Variants in SUCO observed in about 807,000 individuals in gnomAD.
The protein encoded by SUCO is SUN domain containing ossification factor, also known as SUN domain-containing ossification factor.
SUCO carries 57 observed loss-of-function variants against 148.1 expected under a neutral mutation model. The observed-to-expected ratio is 0.38, with a 90% confidence interval of 0.31 to 0.48. The LOEUF is 0.48. Ranked by LOEUF, SUCO falls within the 20% of genes least tolerant of loss-of-function variation. The pLI is 0.96. For missense variants in SUCO, 1,331 were observed against 1,468.2 expected (o/e 0.91, Z 1.53); for synonymous variants, 470 against 502.7 (o/e 0.93, Z 0.87).
chr1:172,610,288 T>A lies in SUCO; in HGVS notation c.*29T>A. 1 of 1,540,478 alleles carries A rather than the reference T, an allele frequency of 6.5e-7. No individual in the cohort carries two copies. The highest frequency in any genetic ancestry group is 8.7e-7 in the Non-Finnish European group (1 of 1,148,640). Reference sequence around the variant, plus strand: ...TAATTGAACTTTTCATACAGAAGACTTTTTTGTTGTTGTTCTTTGAAGAAC... The same window carrying A: ...TAATTGAACTTTTCATACAGAAGACATTTTTGTTGTTGTTCTTTGAAGAAC... On this transcript the variant is annotated 3_prime_UTR_variant, in exon 24 of 24. Transcript: ENST00000263688.
At chr1:172,548,803 C>T (rs1299425900) in intron 1 of SUCO, among the ~76,000 whole-genome samples, 2 of 151,920 alleles carry the variant, frequency 1.3e-5, no homozygotes, top group African/African-American at 2.4e-5. Flanking sequence ...AAATGTTCCA[C>T]GTGTCCTTGA....
intron 17 of SUCO, chr1:172,588,421 A>G: frequency 1.0e-6 from 1 of 985,134 alleles, no homozygotes; most frequent in Non-Finnish European, 1.2e-6. Flanking sequence ...GATTCAGTGA[A>G]TATTTATGAG....
intron 22 of SUCO, among the ~76,000 whole-genome samples, chr1:172,603,982 A>G (rs1657694221): frequency 6.6e-6 from 1 of 152,002 alleles, no homozygotes; most frequent in Admixed American, 6.6e-5. Context: ...ATACACTGGA[A>G]ATGGGATTGG....
intron 17 of SUCO, chr1:172,588,472 TA>T: frequency 4.1e-6 from 4 of 985,154 alleles, no homozygotes; most frequent in Non-Finnish European, 4.8e-6. Context: ...AGTATTCACT[TA>T]GAAACAATTC....
At position 172,585,061 on chromosome 1, in the gene SUCO, A is replaced by G; in HGVS notation, c.1542A>G (p.Gly514=). The change falls in exon 16 of 24, where the codon GGA becomes GGG. Residue 514 remains glycine, a synonymous_variant. Transcript: ENST00000263688. Reference sequence around the variant, plus strand: ...TGAATATTGCTGCTAATATTCTGGGAGCAAAAACTGAAGACCTGACAGAAG... The same window carrying G: ...TGAATATTGCTGCTAATATTCTGGGGGCAAAAACTGAAGACCTGACAGAAG... ...NMVNIAANIL[G]AKTEDLTEGN... The G allele has an allele frequency of 1.2e-6, 2 of 1,605,572 alleles. No individual in the cohort carries two copies. Among genetic ancestry groups the G allele is most frequent in the East Asian group, 4.5e-5 (2 of 44,392 alleles).
At position 172,608,763 on chromosome 1, in the gene SUCO, G is replaced by C; in HGVS notation, c.3282G>C (p.Leu1094Phe). ...LTGKEVDPND[L>F]YIVEPLKFSP... is the part of the protein sequence containing the mutation. ...TACTTACAGTAGACCCAAATGATTT[G>C]TACATTGTAGAACCCCTCAAGTTTT... Residue 1094 changes from leucine (L) to phenylalanine (F), a missense_variant, in exon 23 of 24, where the codon TTG becomes TTC. Physicochemically the swap from Leu to Phe is conservative, Grantham distance 22. This residue lies in a region of SUCO where 334 missense variants were observed against 352.3 expected (regional missense o/e 0.95). Coordinates refer to ENST00000263688, the MANE Select transcript of SUCO (RefSeq NM_014283.5). 2 of 1,541,574 alleles carry C rather than the reference G, an allele frequency of 1.3e-6. No individual in the cohort carries two copies. The highest frequency in any genetic ancestry group is 1.8e-6 in the Non-Finnish European group (2 of 1,127,968).
chr1:172,597,778 G>A (rs911285223), intron 19 of SUCO, among the ~76,000 whole-genome samples: 1 of 151,890 alleles, frequency 6.6e-6, no homozygotes, highest in Admixed American at 6.6e-5. Flanking sequence ...AGGTTATTTG[G>A]GTCTCGGGGA....
intron 1 of SUCO, among the ~76,000 whole-genome samples, chr1:172,539,612 C>T (rs1652289627): frequency 6.6e-6 from 1 of 152,190 alleles, no homozygotes; most frequent in East Asian, 1.9e-4. Context: ...AACATTAATA[C>T]GGTTCATAGG....
chr1:172,574,208 A>G (rs1489898475), intron 10 of SUCO, among the ~76,000 whole-genome samples: 4 of 152,076 alleles, frequency 2.6e-5, no homozygotes. Context: ...AAACATAACC[A>G]TATGATATTA....
intron 17 of SUCO, among the ~76,000 whole-genome samples, chr1:172,587,904 A>G (rs918819348): frequency 6.6e-6 from 1 of 152,136 alleles, no homozygotes; most frequent in Non-Finnish European, 1.5e-5. Context: ...AATCACAAGC[A>G]TTATAATTTA....
intron 18 of SUCO, chr1:172,590,255 GA>G: frequency 4.6e-6 from 4 of 868,796 alleles, no homozygotes; most frequent in Non-Finnish European, 4.1e-6. Context: ...AGGGCTCATG[GA>G]AAAAAATGAT....
Position 172,590,978 on chromosome 1 carries a change from T to G in SUCO, c.2826-6T>G. The G allele has an allele frequency of 6.2e-7, 1 of 1,605,198 alleles. No homozygotes were observed. ...AAGCTGATTTAGACCAATTCTTACT[T>G]CATAGGTACCGAAAACAAATGGAAG... is the stretch of plus-strand genomic sequence containing the variant. On this transcript the variant is annotated splice_region_variant and splice_polypyrimidine_tract_variant and intron_variant, in intron 18 of 23. Coordinates refer to ENST00000263688, the MANE Select transcript of SUCO (RefSeq NM_014283.5).
chr1:172,555,976 T>C lies in SUCO; in HGVS notation c.396T>C (p.Asn132=), dbSNP rs138410058. The C allele has an allele frequency of 2.0e-4, 321 of 1,613,414 alleles. No individual in the cohort carries two copies. Among genetic ancestry groups the C allele is most frequent in the South Asian group, 4.1e-4 (37 of 91,006 alleles). Residue 132 remains asparagine, a synonymous_variant, in exon 4 of 24, where the codon AAT becomes AAC. Coordinates refer to ENST00000263688, the MANE Select transcript of SUCO (RefSeq NM_014283.5). The part of the protein sequence containing the change: ...NAVVDSETVE[N]ISSSSTSEIT... The stretch of plus-strand genomic sequence containing the variant: ...TTGTGGACAGTGAAACTGTTGAAAA[T>C]ATTTCCAGCTCATCTACCTCAGAAA...
chr1:172,602,873 C>A (rs1239215206), intron 22 of SUCO, 86 bp downstream of exon 22: 3 of 1,136,416 alleles, frequency 2.6e-6, no homozygotes, highest in African/African-American at 1.6e-5. Context: ...GTGTTCATGA[C>A]CATCTGCAAC....
At chr1:172,598,816 T>G (rs1182831722) in intron 19 of SUCO, among the ~76,000 whole-genome samples, 2 of 152,160 alleles carry the variant, frequency 1.3e-5, no homozygotes, top group African/African-American at 4.8e-5. Flanking sequence ...TAAGTCAGGA[T>G]TCAAAAGAAA....
chr1:172,542,614 T>A, intron 1 of SUCO: 1 of 347,458 alleles, frequency 2.9e-6, no homozygotes, highest in Non-Finnish European at 4.0e-6. Context: ...ACGCGAGGGA[T>A]CTAGGTTGTG....
In SUCO at chr1:172,570,083, A is replaced by T; in HGVS notation, c.893A>T (p.His298Leu). The T allele has an allele frequency of 6.3e-7, 1 of 1,589,906 alleles. No homozygotes were observed. Among genetic ancestry groups the T allele is most frequent in the Non-Finnish European group, 8.6e-7 (1 of 1,166,016 alleles). The change falls in exon 8 of 24, where the codon CAT becomes CTT. Residue 298 changes from histidine (H) to leucine (L), a missense_variant. Around this residue, in one of 3 missense-constraint regions of SUCO, gnomAD observed 992 missense variants for 1,093.5 expected, o/e 0.91. Transcript: ENST00000263688. ...SMHASSNGGS[H>L]ATKKVQKNRN... ...CATGCATCTTCTAATGGAGGTTCAC[A>T]TGCCACCAAAAAGGTCCAGAAAAAT...
chr1:172,602,861 T>G (rs1470443724), intron 22 of SUCO, 74 bp downstream of exon 22: 1 of 1,318,564 alleles, frequency 7.6e-7, no homozygotes, highest in African/African-American at 1.5e-5. Flanking sequence ...AATGTCAGTG[T>G]TGTGTTCATG....
upstream of SUCO, chr1:172,532,872 G>T: frequency 2.7e-6 from 4 of 1,508,484 alleles, no homozygotes; most frequent in Non-Finnish European, 3.5e-6. Context: ...CCAGCAAGTG[G>T]GCGGGACCTG....
Sources: allele counts gnomAD v4.1 joint callset (sites outside exome capture counted in the v4.1 genomes callset), GRCh38; gene constraint gnomAD v4.1.1; regional missense constraint gnomAD v4.1.1; transcripts MANE v1.5; gene names NCBI Gene and HGNC (gene_info 2026-07-23, HGNC 2026-07-21).